The following AEBP2 variants were observed in gnomAD, a reference collection of about 807,000 sequenced individuals.
The protein encoded by AEBP2 is AE binding protein 2, also known as zinc finger protein AEBP2.
A neutral mutation model predicts 50.8 loss-of-function variants in AEBP2; 10 were observed. The observed-to-expected ratio is 0.20, with a 90% CI of 0.12 to 0.33. The LOEUF (loss-of-function observed/expected upper bound fraction) is 0.33. Among genes scored for constraint, AEBP2 ranks in the 10% least tolerant of loss-of-function variants. The probability of loss-of-function intolerance (pLI) is 1.00; values close to 1 mark genes in which losing one functional copy is unlikely to be tolerated. For synonymous variants in AEBP2, 296 were observed against 261.3 expected, an observed-to-expected ratio of 1.13 and a Z score of -1.28; for missense variants, 570 against 688.0, an observed-to-expected ratio of 0.83 and a Z score of 1.92.
Position 19,439,852 on chromosome 12 carries a change from C to A in AEBP2, c.153C>A (p.Ala51=), listed in dbSNP as rs745506443. The stretch of plus-strand genomic sequence containing the variant: ...AGGAGGAGGAAGAGGAGGCGGAGGC[C>A]GAGGCGGTGGCGGCGCTGCTGCTGA... The part of the protein sequence containing the change: ...EEEEEEEEAE[A]EAVAALLLNG... Residue 51 remains alanine, a synonymous_variant, in exon 1 of 8, where the codon GCC becomes GCA. Transcript: ENST00000266508. 8 of 1,487,334 alleles carry A rather than the reference C, an allele frequency of 5.4e-6. No individual in the cohort carries two copies. The African/African-American group carries it at 1.2e-4, about 22-fold the overall frequency. 92.1% of individuals were successfully genotyped at this position (1,487,334 alleles called of 1,614,324 possible). A position where few individuals can be genotyped will look rare whatever the true frequency, so the allele number is the denominator to read the frequency against.
At chr12:19,441,396 C>T (rs538465882) in intron 1 of AEBP2, among the ~76,000 whole-genome samples, 1 of 152,146 alleles carries the variant, frequency 6.6e-6, no homozygotes, top group East Asian at 1.9e-4. Context: ...CATATTATGC[C>T]ACTTCTAAAG....
At chr12:19,406,636 G>A (rs2095736412) in intron 1 of AEBP2, among the ~76,000 whole-genome samples, 1 of 151,116 alleles carries the variant, frequency 6.6e-6, no homozygotes, top group Non-Finnish European at 1.5e-5. Context: ...AGCTGAGATT[G>A]CGCCATTGCA....
At chr12:19,422,431 A>G (rs2095746285) in intron 1 of AEBP2, among the ~76,000 whole-genome samples, 1 of 152,118 alleles carries the variant, frequency 6.6e-6, no homozygotes, top group Admixed American at 6.6e-5. Flanking sequence ...CTACTTAGGC[A>G]TTTCAAGGAT....
At chr12:19,515,126 A>G (rs1268925302) in intron 7 of AEBP2, among the ~76,000 whole-genome samples, 2 of 151,552 alleles carry the variant, frequency 1.3e-5, no homozygotes, top group African/African-American at 4.9e-5. Context: ...AATATGTTGC[A>G]TGAGTCTGAA....
chr12:19,477,069 T>C (rs1947353604), intron 3 of AEBP2, among the ~76,000 whole-genome samples: 1 of 152,206 alleles, frequency 6.6e-6, no homozygotes, highest in South Asian at 2.1e-4. Flanking sequence ...TATTTTTTTG[T>C]AGCTTTTGTA....
chr12:19,496,981 A>G (rs1254727102), intron 4 of AEBP2, among the ~76,000 whole-genome samples: 2 of 151,200 alleles, frequency 1.3e-5, no homozygotes, highest in South Asian at 2.1e-4. Context: ...AAATTTATAT[A>G]TATACATATT....
intron 3 of AEBP2, among the ~76,000 whole-genome samples, chr12:19,486,793 C>G (rs1948815942): frequency 6.6e-6 from 1 of 151,428 alleles, no homozygotes; most frequent in Non-Finnish European, 1.5e-5. Context: ...TACTACCAGT[C>G]CTTTCTTTTC....
At chr12:19,417,290 T>G (rs1229024247) in intron 1 of AEBP2, among the ~76,000 whole-genome samples, 1 of 152,232 alleles carries the variant, frequency 6.6e-6, no homozygotes, top group Non-Finnish European at 1.5e-5. Context: ...CAACTTTCTT[T>G]TCTTTGAAAC....
intron 2 of AEBP2, among the ~76,000 whole-genome samples, chr12:19,463,418 A>G (rs975678451): frequency 7.2e-5 from 11 of 152,120 alleles, no homozygotes; most frequent in African/African-American, 2.7e-4. Context: ...CACTTAGTGC[A>G]TTTTTCAGAA....
At chr12:19,509,565 G>T (rs1054066237) in intron 5 of AEBP2, among the ~76,000 whole-genome samples, 1 of 152,014 alleles carries the variant, frequency 6.6e-6, no homozygotes, top group Non-Finnish European at 1.5e-5. Context: ...GGGCAAAATG[G>T]TAAAACCCCG....
chr12:19,448,427 G>C (rs1948111027), intron 1 of AEBP2, among the ~76,000 whole-genome samples: 1 of 151,856 alleles, frequency 6.6e-6, no homozygotes, highest in South Asian at 2.1e-4. Context: ...GGAGGTTGCA[G>C]TGATCTGAGA....
At chr12:19,516,994 C>G (rs1026431704) in intron 7 of AEBP2, among the ~76,000 whole-genome samples, 5 of 152,142 alleles carry the variant, frequency 3.3e-5, no homozygotes, top group African/African-American at 1.2e-4. Flanking sequence ...GTCCTACACT[C>G]CAGCCTCAGC....
chr12:19,492,476 G>A (rs939706341), intron 3 of AEBP2, among the ~76,000 whole-genome samples: 1 of 152,102 alleles, frequency 6.6e-6, no homozygotes, highest in Non-Finnish European at 1.5e-5. Flanking sequence ...AATGGATATT[G>A]TAGAGGGCGG....
At chr12:19,481,449 A>C (rs1467038830) in intron 3 of AEBP2, among the ~76,000 whole-genome samples, 14 of 147,804 alleles carry the variant, frequency 9.5e-5, no homozygotes, top group African/African-American at 3.5e-4. Context: ...TATTTCTAGA[A>C]GTTGTGATTG....
At chr12:19,514,226 C>T (rs1373787715) in intron 6 of AEBP2, among the ~76,000 whole-genome samples, 1 of 152,036 alleles carries the variant, frequency 6.6e-6, no homozygotes, top group African/African-American at 2.4e-5. Flanking sequence ...TCTTAAACTC[C>T]TGGGCTCAAG....
At chr12:19,457,568 C>A in intron 1 of AEBP2, 1 of 1,483,020 alleles carries the variant, frequency 6.7e-7, no homozygotes, top group East Asian at 2.3e-5. Context: ...ATTTGTAGTT[C>A]AGATGGCCAG....
At chr12:19,501,801 T>TTTG (rs1565733889) in intron 5 of AEBP2, among the ~76,000 whole-genome samples, 4 of 112,440 alleles carry the variant, frequency 3.6e-5, no homozygotes, top group Non-Finnish European at 3.6e-5. Flanking sequence ...GAGTTTGTTT[T>TTTG]TTTTTTTTTT....
At chr12:19,487,022 G>A (rs183646314) in intron 3 of AEBP2, among the ~76,000 whole-genome samples, 1 of 149,494 alleles carries the variant, frequency 6.7e-6, no homozygotes, top group Non-Finnish European at 1.5e-5. Flanking sequence ...TCAGCAATTT[G>A]CAATGATGTT....
intron 1 of AEBP2, among the ~76,000 whole-genome samples, chr12:19,455,003 A>ATTT (rs778113628): frequency 0.021 from 3,103 of 145,124 alleles, 39 homozygotes; most frequent in East Asian, 0.041. Flanking sequence ...TGGTTCTCAG[A>ATTT]TTTTTTTTTT....
Sources: allele counts gnomAD v4.1 joint callset (sites outside exome capture counted in the v4.1 genomes callset), GRCh38; gene constraint gnomAD v4.1.1; transcripts MANE v1.5; gene names NCBI Gene and HGNC (gene_info 2026-07-23, HGNC 2026-07-21).